Variants in DDAH1 observed in about 807,000 individuals in gnomAD.
DDAH1 encodes the protein N(G),N(G)-dimethylarginine dimethylaminohydrolase 1.
In DDAH1, 19 loss-of-function variants were observed where a neutral mutation model predicts 28.8. The ratio of observed to expected loss-of-function variants is 0.66; its 90% confidence interval spans 0.46 to 0.97. DDAH1 has a LOEUF of 0.97. Among genes scored for constraint, DDAH1 ranks in the 50% least tolerant of loss-of-function variants. The probability of loss-of-function intolerance (pLI) is 0.00; values close to 1 mark genes in which losing one functional copy is unlikely to be tolerated. For missense variants in DDAH1, 326 were observed against 375.9 expected (o/e 0.87, Z 1.10); for synonymous variants, 153 against 154.4 (o/e 0.99, Z 0.07).
chr1:85,511,679 C>T (rs1271753274), intron 1 of DDAH1, among the ~76,000 whole-genome samples: 1 of 152,170 alleles, frequency 6.6e-6, no homozygotes, highest in East Asian at 1.9e-4. Flanking sequence ...CACCACTGAT[C>T]CCACAGAAAT....
intron 4 of DDAH1, among the ~76,000 whole-genome samples, chr1:85,336,892 CA>C (rs936667188): frequency 1.8e-4 from 27 of 151,126 alleles, no homozygotes; most frequent in African/African-American, 5.6e-4. Flanking sequence ...AAGGACACAA[CA>C]AAAAAAACTA....
intron 1 of DDAH1, chr1:85,404,505 T>C (rs1289347640): frequency 2.0e-6 from 3 of 1,470,114 alleles, no homozygotes; most frequent in African/African-American, 1.4e-5. Context: ...CTGACCCGGA[T>C]TGAGCCATGG....
At chr1:85,436,531 T>C (rs1653952089) in intron 1 of DDAH1, among the ~76,000 whole-genome samples, 1 of 152,206 alleles carries the variant, frequency 6.6e-6, no homozygotes, top group African/African-American at 2.4e-5. Context: ...ATATATGCTA[T>C]AGCAATCTGG....
chr1:85,343,716 G>A (rs865790607), intron 4 of DDAH1, among the ~76,000 whole-genome samples: 1 of 152,114 alleles, frequency 6.6e-6, no homozygotes, highest in Non-Finnish European at 1.5e-5. Context: ...TTCTCATTCT[G>A]TCTTTTGGGT....
At chr1:85,544,119 TG>T in intron 1 of DDAH1, among the ~76,000 whole-genome samples, 1 of 152,374 alleles carries the variant, frequency 6.6e-6, no homozygotes, top group Non-Finnish European at 1.5e-5. Flanking sequence ...TGTACCTAGT[TG>T]TTTTGTCTCT....
intron 1 of DDAH1, among the ~76,000 whole-genome samples, chr1:85,551,350 C>T (rs535609215): frequency 4.6e-5 from 7 of 152,344 alleles, no homozygotes; most frequent in African/African-American, 7.2e-5. Context: ...ACTCTGGGAT[C>T]TGCTGGTTTT....
chr1:85,395,351 T>A (rs4949900), intron 1 of DDAH1, among the ~76,000 whole-genome samples: 2 of 152,006 alleles, frequency 1.3e-5, no homozygotes, highest in Admixed American at 6.6e-5. Context: ...ATTTTTGCCC[T>A]AAGGTAGAAT....
intron 1 of DDAH1, among the ~76,000 whole-genome samples, chr1:85,498,763 A>T (rs1252641780): frequency 6.6e-6 from 1 of 152,136 alleles, no homozygotes; most frequent in African/African-American, 2.4e-5. Flanking sequence ...TACCAAAAAA[A>T]ATACAAAAAT....
At chr1:85,477,345 G>C (rs2100711328) in intron 2 of DDAH1, among the ~76,000 whole-genome samples, 1 of 152,136 alleles carries the variant, frequency 6.6e-6, no homozygotes, top group East Asian at 1.9e-4. Flanking sequence ...ATGACAGGGG[G>C]CCTGTCAATA....
intron 1 of DDAH1, among the ~76,000 whole-genome samples, chr1:85,520,698 C>T (rs1391026834): frequency 2.6e-5 from 4 of 152,206 alleles, no homozygotes; most frequent in African/African-American, 9.6e-5. Context: ...TGGACTGTGC[C>T]GAGGCACAAA....
chr1:85,456,101 A>G (rs1256387727), intron 1 of DDAH1, among the ~76,000 whole-genome samples: 1 of 151,992 alleles, frequency 6.6e-6, no homozygotes, highest in Non-Finnish European at 1.5e-5. Context: ...AAAAGAAAAA[A>G]AAAAAATCCC....
intron 1 of DDAH1, among the ~76,000 whole-genome samples, chr1:85,430,720 G>A (rs1653643439): frequency 6.6e-6 from 1 of 152,136 alleles, no homozygotes; most frequent in South Asian, 2.1e-4. Context: ...AGGAGTGCTT[G>A]TGATTTTTGC....
At chr1:85,512,856 C>T (rs984979794) in intron 1 of DDAH1, among the ~76,000 whole-genome samples, 3 of 152,072 alleles carry the variant, frequency 2.0e-5, no homozygotes, top group African/African-American at 7.3e-5. Context: ...AAAGAGGACA[C>T]CAACAAATGG....
At chr1:85,508,825 A>T (rs768369828) in intron 1 of DDAH1, among the ~76,000 whole-genome samples, 1 of 152,214 alleles carries the variant, frequency 6.6e-6, no homozygotes, top group Non-Finnish European at 1.5e-5. Flanking sequence ...AAGAAGCTCG[A>T]ACTGGGTGGA....
intron 5 of DDAH1, among the ~76,000 whole-genome samples, chr1:85,324,296 T>TAATAATAATAATAATAATAATA (rs1557456180): frequency 7.3e-6 from 1 of 136,288 alleles, no homozygotes; most frequent in Non-Finnish European, 1.6e-5. Flanking sequence ...ATAATAATAA[T>TAATAATAATAATAATAATAATA]AATAAATAAA....
chr1:85,485,574 T>C (rs1381120701), intron 2 of DDAH1, among the ~76,000 whole-genome samples: 1 of 152,174 alleles, frequency 6.6e-6, no homozygotes, highest in East Asian at 1.9e-4. Context: ...GGATTTACGT[T>C]TTGCCTTCAG....
chr1:85,363,684 A>G (rs1183418901), intron 1 of DDAH1, among the ~76,000 whole-genome samples: 1 of 152,236 alleles, frequency 6.6e-6, no homozygotes, highest in Non-Finnish European at 1.5e-5. Context: ...TTGCTGATGC[A>G]TCAAAATCAC....
At chr1:85,510,228 A>T (rs1657174789) in intron 1 of DDAH1, among the ~76,000 whole-genome samples, 1 of 152,220 alleles carries the variant, frequency 6.6e-6, no homozygotes, top group East Asian at 1.9e-4. Context: ...TTCAACCCAG[A>T]ATTTCACATC....
At chr1:85,419,146 GT>G (rs957642981) in intron 1 of DDAH1, among the ~76,000 whole-genome samples, 1 of 152,092 alleles carries the variant, frequency 6.6e-6, no homozygotes, top group African/African-American at 2.4e-5. Context: ...AATTGTAAAA[GT>G]GTTAAAGCCT....
Sources: gnomAD v4.1 joint callset for allele counts (sites outside exome capture counted in the v4.1 genomes callset) on GRCh38, gnomAD v4.1.1 for gene constraint, MANE v1.5 for transcripts, NCBI Gene and HGNC (gene_info 2026-07-23, HGNC 2026-07-21) for gene names.